LRRC23: variants seen among roughly 807,000 people sequenced by gnomAD.
LRRC23 encodes the protein leucine rich repeat containing 23.
LRRC23 carries 28 observed loss-of-function variants against 37.7 expected under a neutral mutation model. That is an observed-to-expected ratio of 0.74 (90% CI 0.55 to 1.02). The LOEUF is 1.02. Ranked by LOEUF, LRRC23 falls within the 50% of genes least tolerant of loss-of-function variation. The pLI is 0.00. For missense variants in LRRC23, 377 were observed against 413.2 expected (o/e 0.91, Z 0.76); for synonymous variants, 161 against 165.4 (o/e 0.97, Z 0.20).
chr12:6,912,673 C>G (rs1945190509), intron 6 of LRRC23, 57 bp from the exon 7 acceptor site: 1 of 1,510,990 alleles, frequency 6.6e-7, no homozygotes, highest in African/African-American at 1.4e-5. Flanking sequence ...CCATTCCTAG[C>G]AACTGGCAAC....
intron 5 of LRRC23, 47 bp downstream of exon 5, chr12:6,907,492 T>TGG: frequency 6.2e-7 from 1 of 1,605,630 alleles, no homozygotes; most frequent in Non-Finnish European, 8.5e-7. Context: ...GGCACTGTCC[T>TGG]GGGGGTCAGG....
chr12:6,913,469 G>C (rs1187571386), intron 7 of LRRC23, among the ~76,000 whole-genome samples: 1 of 150,748 alleles, frequency 6.6e-6, no homozygotes, highest in Non-Finnish European at 1.5e-5. Context: ...AAGAAAAGAG[G>C]GCAGAGTGAG....
At chr12:6,911,598 A>G (rs1945162355) in intron 6 of LRRC23, among the ~76,000 whole-genome samples, 1 of 152,244 alleles carries the variant, frequency 6.6e-6, no homozygotes. Context: ...GGCAGAGTCC[A>G]GTACAAAGTT....
intron 6 of LRRC23, among the ~76,000 whole-genome samples, chr12:6,910,839 C>T (rs1945139929): frequency 6.6e-6 from 1 of 151,548 alleles, no homozygotes; most frequent in Admixed American, 6.6e-5. Flanking sequence ...ATCACTTGAG[C>T]CCAGGAGTTC....
intron 6 of LRRC23, among the ~76,000 whole-genome samples, chr12:6,912,500 TG>T (rs1945184371): frequency 6.6e-6 from 1 of 152,044 alleles, no homozygotes; most frequent in African/African-American, 2.4e-5. Flanking sequence ...AACACATGAA[TG>T]TATTACAGAG....
intron 6 of LRRC23, among the ~76,000 whole-genome samples, chr12:6,910,852 G>A (rs1486726979): frequency 6.6e-6 from 1 of 152,190 alleles, no homozygotes; most frequent in Non-Finnish European, 1.5e-5. Context: ...AGGAGTTCAA[G>A]GTTGCAGTGA....
At chr12:6,909,410 ATATT>A (rs1394507065) in intron 5 of LRRC23, among the ~76,000 whole-genome samples, 1 of 63,450 alleles carries the variant, frequency 1.6e-5, no homozygotes, top group Non-Finnish European at 2.4e-5. Context: ...ATATAATAGT[ATATT>A]ATATATAATA....
At chr12:6,908,683 G>A (rs1431391905) in intron 5 of LRRC23, among the ~76,000 whole-genome samples, 2 of 149,138 alleles carry the variant, frequency 1.3e-5, no homozygotes, top group African/African-American at 2.5e-5. Context: ...AATTAGCTGC[G>A]TGTGGTGGCA....
At chr12:6,909,056 T>A (rs1308829440) in intron 5 of LRRC23, among the ~76,000 whole-genome samples, 2 of 72,032 alleles carry the variant, frequency 2.8e-5, no homozygotes, top group South Asian at 3.9e-4. Flanking sequence ...AATTATATAT[T>A]ATATATAAAT....
intron 5 of LRRC23, among the ~76,000 whole-genome samples, chr12:6,907,950 C>T (rs1944989700): frequency 1.3e-5 from 2 of 152,156 alleles, no homozygotes. Flanking sequence ...CCCTACACCG[C>T]CCACATACAC....
At chr12:6,909,445 GTATATAATATATAA>G (rs782458007) in intron 5 of LRRC23, among the ~76,000 whole-genome samples, 5 of 67,588 alleles carry the variant, frequency 7.4e-5, no homozygotes. Context: ...ATATATAATA[GTATATAATATATAA>G]TATATAATAT....
In LRRC23 at chr12:6,906,604, C is replaced by T. The variant is rs782676594; in HGVS notation, c.432C>T (p.Asn144=). Residue 144 remains asparagine, a synonymous_variant, in exon 4 of 8, where the codon AAC becomes AAT. Transcript: ENST00000443597. ...PYLQIASFAY[N]QITDTEGISH... is the part of the protein sequence containing the mutation. ...TGCAGATTGCTAGTTTTGCTTATAA[C>T]CAGATTACTGACACTGAAGGCATCT... is the stretch of plus-strand genomic sequence containing the variant. 38 of 1,614,026 alleles carry T rather than the reference C, an allele frequency of 2.4e-5. No homozygotes were observed. The highest frequency in any genetic ancestry group is 6.8e-6 in the Non-Finnish European group (8 of 1,180,028).
intron 1 of LRRC23, among the ~76,000 whole-genome samples, 181 bp from the exon 2 acceptor site, chr12:6,905,404 A>G (rs898778716): frequency 9.2e-5 from 14 of 151,674 alleles, no homozygotes; most frequent in Non-Finnish European, 1.5e-4. Flanking sequence ...TCCTGAAGGG[A>G]GGGGGTCCTC....
rs1555141243 is a variant in LRRC23 at position 6,914,080 on chromosome 12, G to A, written c.*214G>A. ...CAGAATGGGGTGCCTAGGCCTGAGC[G>A]TTGCCTGGAGCCTAGGCCGGGGGCC... On this transcript the variant is annotated 3_prime_UTR_variant, in exon 8 of 8. Coordinates refer to ENST00000443597, the MANE Select transcript of LRRC23 (RefSeq NM_001135217.2). This position sits in a 1 kb window ranked among gnomAD's most constrained non-coding sequence, Gnocchi z 7.1. The A allele has an allele frequency of 5.2e-6, 8 of 1,548,758 alleles. No homozygotes were observed. The highest frequency in any genetic ancestry group is 6.1e-6 in the Non-Finnish European group (7 of 1,150,802).
At chr12:6,911,972 C>A (rs1675848260) in intron 6 of LRRC23, among the ~76,000 whole-genome samples, 1 of 152,104 alleles carries the variant, frequency 6.6e-6, no homozygotes, top group Non-Finnish European at 1.5e-5. Context: ...CACTGCACCC[C>A]CAACCGGGGT....
At position 6,912,874 on chromosome 12, in the gene LRRC23, C is replaced by T; in HGVS notation, c.903C>T (p.Arg301=). The change falls in exon 7 of 8, where the codon CGC becomes CGT. Residue 301 remains arginine, a synonymous_variant. Transcript: ENST00000443597. ...TGGTGCAGATGCCATACCTTGAACGCCTGGACAAGGAATTCTATGAGGAGG... is the reference window on the plus strand; with the variant it reads ...TGGTGCAGATGCCATACCTTGAACGTCTGGACAAGGAATTCTATGAGGAGG... The part of the protein sequence containing the change: ...EALVQMPYLE[R]LDKEFYEEEE... The T allele has an allele frequency of 1.2e-6, 2 of 1,614,104 alleles. No homozygotes were observed. Among genetic ancestry groups the T allele is most frequent in the Middle Eastern group, 1.6e-4 (1 of 6,062 alleles).
intron 5 of LRRC23, among the ~76,000 whole-genome samples, chr12:6,908,654 T>A: frequency 1.2e-5 from 1 of 85,590 alleles, no homozygotes; most frequent in African/African-American, 5.8e-5. Flanking sequence ...CCGTCTCTAC[T>A]AAAAATACAA....
chr12:6,907,540 C>T (rs909833574), intron 5 of LRRC23, 95 bp downstream of exon 5: 10 of 1,276,454 alleles, frequency 7.8e-6, no homozygotes, highest in Admixed American at 3.6e-5. Flanking sequence ...CTAACTTCAT[C>T]ATTATGATAA....
chr12:6,908,963 CAA>C (rs782529515), intron 5 of LRRC23, among the ~76,000 whole-genome samples: 94 of 130,016 alleles, frequency 7.2e-4, no homozygotes, highest in Non-Finnish European at 1.2e-3. Flanking sequence ...AACTTTATAA[CAA>C]AAGACTGCAA....
Sources: allele counts gnomAD v4.1 joint callset (sites outside exome capture counted in the v4.1 genomes callset), GRCh38; gene constraint gnomAD v4.1.1; non-coding constraint Gnocchi (gnomAD v3.1); transcripts MANE v1.5; gene names NCBI Gene and HGNC (gene_info 2026-07-23, HGNC 2026-07-21).